The following PLEKHA8 variants were observed in gnomAD, a reference collection of about 807,000 sequenced individuals.
The protein encoded by PLEKHA8 is pleckstrin homology domain-containing family A member 8.
A neutral mutation model predicts 68.2 loss-of-function variants in PLEKHA8; 36 were observed. That is an observed-to-expected ratio of 0.53 (90% confidence interval 0.40 to 0.70). The LOEUF is 0.70. Among genes scored for constraint, PLEKHA8 ranks in the 30% least tolerant of loss-of-function variants. PLEKHA8 has a pLI of 0.00. For missense variants in PLEKHA8, 505 were observed against 615.4 expected, an observed-to-expected ratio of 0.82 and a Z score of 1.90; for synonymous variants, 211 against 216.1, an observed-to-expected ratio of 0.98 and a Z score of 0.20.
Position 30,107,795 on chromosome 7 carries a change from A to G in PLEKHA8, c.1363-21471A>G, listed in dbSNP as rs549598078. Among the ~76,000 whole-genome samples, 7 of 152,238 alleles carry G rather than the reference A, an allele frequency of 4.6e-5. No individual in the cohort carries two copies. In the East Asian group the frequency reaches 1.3e-3, roughly 29 times the overall value. The stretch of plus-strand genomic sequence containing the variant: ...TTACAAAAAAATTTTCTAACTGGGC[A>G]TGGTGGCTCATGCCTGTAATCCCAG... On this transcript the variant is annotated intron_variant, in intron 13 of 13. Transcript: ENST00000396257.
chr7:30,090,198 G>T, exon 13 of PLEKHA8: 1 of 1,548,900 alleles, frequency 6.5e-7, no homozygotes, highest in Non-Finnish European at 8.7e-7. Context: ...CCCTGATGAA[G>T]ATCCTGAACT....
rs78316862 is a variant in PLEKHA8 at position 30,080,246 on chromosome 7, C to G, written c.*1459C>G. 0.071 allele frequency: 70,099 copies of G among 985,276 alleles called. 2,635 individuals carry two copies. Among genetic ancestry groups the G allele is most frequent in the Non-Finnish European group, 0.077 (63,844 of 829,816 alleles). 61.0% of individuals were successfully genotyped at this position (985,276 alleles called of 1,614,324 possible). The stretch of plus-strand genomic sequence containing the variant: ...AAAACAATATTGAGTGGGCATTCTT[C>G]TGCACAGTGTGATGCTCCAACCCTG... On this transcript the variant is annotated 3_prime_UTR_variant, in exon 14 of 14. Transcript: ENST00000449726.
intron 4 of PLEKHA8, 23 bp downstream of exon 4, chr7:30,047,979 TA>T: frequency 8.0e-7 from 1 of 1,246,058 alleles, no homozygotes; most frequent in Non-Finnish European, 1.0e-6. Context: ...TTATTAATAT[TA>T]TTAATATACA....
intron 13 of PLEKHA8, among the ~76,000 whole-genome samples, chr7:30,115,641 CACACATGT>C (rs1477732588): frequency 1.3e-5 from 2 of 151,616 alleles, no homozygotes; most frequent in Non-Finnish European, 2.9e-5. Context: ...CACATACATG[CACACATGT>C]ACACATACAT....
intron 13 of PLEKHA8, among the ~76,000 whole-genome samples, chr7:30,104,471 A>G (rs1168206593): frequency 6.6e-6 from 1 of 152,220 alleles, no homozygotes; most frequent in Non-Finnish European, 1.5e-5. Context: ...GTGTGTGGAA[A>G]CAATGGAATA....
At chr7:30,090,230 C>G (rs1421872390) in exon 13 of PLEKHA8, 3 of 1,539,390 alleles carry the variant, frequency 1.9e-6, no homozygotes, top group African/African-American at 1.4e-5. Flanking sequence ...GAAAGAATTC[C>G]TCACCATTCA....
chr7:30,071,723 ATTTC>A (rs2127994390), intron 12 of PLEKHA8: 1 of 152,306 alleles, frequency 6.6e-6, no homozygotes, highest in South Asian at 2.1e-4. Flanking sequence ...TTTTAATGGT[ATTTC>A]TTTATTTATA....
chr7:30,097,836 A>T (rs1391196457), intron 13 of PLEKHA8, among the ~76,000 whole-genome samples: 2 of 152,184 alleles, frequency 1.3e-5, no homozygotes. Context: ...CGTCAAAGTC[A>T]TTCTCTGTCC....
chr7:30,056,451 G>T (rs1474406850), intron 9 of PLEKHA8, among the ~76,000 whole-genome samples: 5 of 146,570 alleles, frequency 3.4e-5, no homozygotes, highest in African/African-American at 1.2e-4. Flanking sequence ...TGTTATGGCT[G>T]GGCACAGTGG....
At chr7:30,065,948 A>G (rs1453392718) in intron 12 of PLEKHA8, among the ~76,000 whole-genome samples, 1 of 145,942 alleles carries the variant, frequency 6.9e-6, no homozygotes, top group Admixed American at 6.8e-5. Flanking sequence ...CTGCTGAATC[A>G]GACACTGAGG....
intron 13 of PLEKHA8, among the ~76,000 whole-genome samples, chr7:30,115,664 A>G (rs530533321): frequency 1.4e-4 from 22 of 151,870 alleles, no homozygotes; most frequent in East Asian, 9.7e-4. Context: ...ATACATGTAT[A>G]CGTGTATACA....
downstream of PLEKHA8, among the ~76,000 whole-genome samples, chr7:30,091,838 C>T (rs1795425953): frequency 6.6e-6 from 1 of 152,228 alleles, no homozygotes; most frequent in Non-Finnish European, 1.5e-5. Flanking sequence ...AATCCTTTCT[C>T]TGCCCAAGTG....
chr7:30,086,280 C>G (rs140811435), downstream of PLEKHA8, among the ~76,000 whole-genome samples: 165 of 152,302 alleles, frequency 1.1e-3, 1 homozygote, highest in East Asian at 9.6e-4. Context: ...CCCCACTGAT[C>G]CCCAGGATCT....
intron 1 of PLEKHA8, among the ~76,000 whole-genome samples, chr7:30,040,487 C>T (rs552969160): frequency 2.6e-5 from 4 of 152,284 alleles, no homozygotes; most frequent in South Asian, 2.1e-4. Context: ...GAATTGTCTC[C>T]GGTTGGGCCA....
downstream of PLEKHA8, among the ~76,000 whole-genome samples, chr7:30,089,312 C>A (rs1050251754): frequency 1.3e-5 from 2 of 151,994 alleles, no homozygotes; most frequent in Non-Finnish European, 2.9e-5. Flanking sequence ...TTCTGGCCAC[C>A]CCAGCCCCTC....
intron 13 of PLEKHA8, among the ~76,000 whole-genome samples, chr7:30,120,979 T>G (rs558245678): frequency 6.6e-6 from 1 of 152,276 alleles, no homozygotes; most frequent in Non-Finnish European, 1.5e-5. Flanking sequence ...TAGTAACATA[T>G]TGACACCAGA....
Position 30,074,210 on chromosome 7 carries a change from C to A in PLEKHA8, c.1362+78C>A. On this transcript the variant is annotated intron_variant, in intron 13 of 13. Coordinates refer to ENST00000449726, the MANE Select transcript of PLEKHA8 (RefSeq NM_001197026.2). ...CTAGGGCTAGAAATCTCTTCTTACC[C>A]AGTTATTTATCTAGTCATGATTGTC... The A allele has an allele frequency of 3.1e-6, 4 of 1,297,166 alleles. No individual in the cohort carries two copies. In the South Asian group the frequency reaches 4.9e-5, roughly 16 times the overall value. The allele number at this position is 1,297,166 out of a possible 1,614,324, so 80.4% of individuals were successfully genotyped here.
chr7:30,061,957 C>T lies in PLEKHA8; in HGVS notation c.1159C>T (p.Leu387=). The stretch of plus-strand genomic sequence containing the variant: ...GTTTACCACTCTCCAGAAGATAGTG[C>T]TGCACGAAGTGGAGGCGGATGTAGC... ...EEFTTLQKIV[L]HEVEADVAQV... Residue 387 remains leucine, a synonymous_variant, in exon 11 of 14, where the codon CTG becomes TTG. Coordinates refer to ENST00000449726, the MANE Select transcript of PLEKHA8 (RefSeq NM_001197026.2). 6.2e-7 allele frequency: 1 copy of T among 1,614,124 alleles called. No individual in the cohort carries two copies. The highest frequency in any genetic ancestry group is 8.5e-7 in the Non-Finnish European group (1 of 1,179,988).
intron 13 of PLEKHA8, among the ~76,000 whole-genome samples, chr7:30,076,278 A>G (rs1332689250): frequency 2.6e-5 from 4 of 152,162 alleles, no homozygotes; most frequent in South Asian, 2.1e-4. Flanking sequence ...TTTTCCTAGT[A>G]TGGAGATATC....
Sources: gnomAD v4.1 joint callset for allele counts (sites outside exome capture counted in the v4.1 genomes callset) on GRCh38, gnomAD v4.1.1 for gene constraint, MANE v1.5 for transcripts, NCBI Gene and HGNC (gene_info 2026-07-23, HGNC 2026-07-21) for gene names.